The following PEX5L variants were observed in gnomAD, a reference collection of about 807,000 sequenced individuals.
PEX5L encodes the protein peroxisomal biogenesis factor 5 like, also known as PEX5-related protein.
In PEX5L, 30 loss-of-function variants were observed where a neutral mutation model predicts 84.0. The ratio of observed to expected loss-of-function variants is 0.36; its 90% confidence interval spans 0.27 to 0.48. PEX5L has a LOEUF of 0.48. Ranked by LOEUF, PEX5L falls within the 20% of genes least tolerant of loss-of-function variation. The probability of loss-of-function intolerance (pLI) is 0.99; values close to 1 mark genes in which losing one functional copy is unlikely to be tolerated. For missense variants in PEX5L, 533 were observed against 754.6 expected (o/e 0.71, Z 3.44); for synonymous variants, 270 against 283.1 (o/e 0.95, Z 0.46).
In PEX5L at chr3:179,795,317, G is replaced by A. The variant is rs1368876987; in HGVS notation, c.*6511C>T. 6.6e-6 allele frequency: 1 copy of A among 152,146 alleles called. No individual in the cohort carries two copies. The highest frequency in any genetic ancestry group is 1.5e-5 in the Non-Finnish European group (1 of 68,030). The allele number at this position is 152,146 out of a possible 1,614,324, so 9.4% of individuals were successfully genotyped here. A position where few individuals can be genotyped will look rare whatever the true frequency, so the allele number is the denominator to read the frequency against. On this transcript the variant is annotated 3_prime_UTR_variant, in exon 15 of 15. Transcript: ENST00000467460. Reference sequence around the variant, plus strand: ...ATACAATTTAATAATGTGAAAAAGGGAAGGCATGCTTCCAATAATAGTACA... The same window carrying A: ...ATACAATTTAATAATGTGAAAAAGGAAAGGCATGCTTCCAATAATAGTACA...
intron 10 of PEX5L, among the ~76,000 whole-genome samples, chr3:179,814,199 C>T (rs1375758992): frequency 1.3e-5 from 2 of 152,100 alleles, no homozygotes; most frequent in Non-Finnish European, 1.5e-5. Flanking sequence ...GCCTTTTGAA[C>T]AAGATATTAC....
At chr3:179,802,391 C>T (rs569210734) in intron 14 of PEX5L, among the ~76,000 whole-genome samples, 2 of 151,658 alleles carry the variant, frequency 1.3e-5, no homozygotes, top group Admixed American at 1.3e-4. Flanking sequence ...AAAAAATAGC[C>T]AGGTGTAGTG....
chr3:179,931,589 G>A (rs1040648915), intron 2 of PEX5L, among the ~76,000 whole-genome samples: 7 of 152,008 alleles, frequency 4.6e-5, no homozygotes, highest in East Asian at 3.9e-4. Context: ...GCCTGAAGCC[G>A]TATGTTCTGA....
chr3:179,978,327 T>C (rs2110315388), intron 1 of PEX5L, among the ~76,000 whole-genome samples: 1 of 152,310 alleles, frequency 6.6e-6, no homozygotes, highest in Middle Eastern at 3.4e-3. Context: ...CCAACATAAG[T>C]ATCCATTAAG....
At chr3:179,947,919 G>A (rs1367219636) in intron 2 of PEX5L, among the ~76,000 whole-genome samples, 2 of 151,974 alleles carry the variant, frequency 1.3e-5, no homozygotes, top group South Asian at 4.2e-4. Flanking sequence ...TGTTAGCCAG[G>A]ATGGTCTCGA....
At chr3:180,030,719 C>T (rs1162373172) in intron 1 of PEX5L, among the ~76,000 whole-genome samples, 2 of 152,140 alleles carry the variant, frequency 1.3e-5, no homozygotes, top group African/African-American at 4.8e-5. Flanking sequence ...CTGGAATTTC[C>T]ATGATTCATA....
chr3:179,961,195 A>ATG (rs1186882207), intron 2 of PEX5L, among the ~76,000 whole-genome samples: 2,546 of 139,856 alleles, frequency 0.018, 78 homozygotes, highest in African/African-American at 0.059. Context: ...TCACTTGTGT[A>ATG]TGTGTATGTG....
chr3:179,947,623 G>A (rs950979976), intron 2 of PEX5L, among the ~76,000 whole-genome samples: 7 of 151,344 alleles, frequency 4.6e-5, no homozygotes, highest in African/African-American at 1.5e-4. Flanking sequence ...TAGTACTGAC[G>A]CAAAGTAAAT....
rs928595775 is a variant in PEX5L, at chr3:179,897,788, A to AT, written c.198+353dup. On this transcript the variant is annotated intron_variant, in intron 3 of 14. Coordinates refer to ENST00000467460, the MANE Select transcript of PEX5L (RefSeq NM_016559.3). Reference sequence around the variant, plus strand: ...ACTTGTTTTTATTCATAGGAATTTGATTTTTTTTTGTTCAAATGTACTGTT... The same window carrying AT: ...ACTTGTTTTTATTCATAGGAATTTGATTTTTTTTTTGTTCAAATGTACTGTT... Among the ~76,000 whole-genome samples the AT allele has an allele frequency of 9.9e-5, 15 of 151,508 alleles. No homozygotes were observed. In the East Asian group the frequency reaches 1.9e-3, roughly 20 times the overall value.
chr3:179,891,768 T>A (rs1034101574), intron 3 of PEX5L, among the ~76,000 whole-genome samples: 2 of 152,156 alleles, frequency 1.3e-5, no homozygotes, highest in African/African-American at 2.4e-5. Flanking sequence ...TTTGCATAGA[T>A]TAAGAATAGC....
intron 1 of PEX5L, among the ~76,000 whole-genome samples, chr3:180,019,788 A>T (rs1419618257): frequency 2.0e-5 from 3 of 152,208 alleles, no homozygotes; most frequent in Non-Finnish European, 4.4e-5. Context: ...TAGAATTTTA[A>T]ATGATGGGAA....
chr3:179,992,887 TATG>T (rs1787513630), intron 1 of PEX5L, among the ~76,000 whole-genome samples: 1 of 151,006 alleles, frequency 6.6e-6, no homozygotes, highest in African/African-American at 2.5e-5. Flanking sequence ...TGTATGTGTC[TATG>T]TATGTATGTA....
chr3:180,018,312 C>T (rs1790116593), intron 1 of PEX5L, among the ~76,000 whole-genome samples: 2 of 152,082 alleles, frequency 1.3e-5, no homozygotes, highest in African/African-American at 4.8e-5. Flanking sequence ...GTTAACCTTT[C>T]TATTGAATGG....
At chr3:179,983,571 C>T (rs73180003) in intron 1 of PEX5L, among the ~76,000 whole-genome samples, 13,459 of 151,902 alleles carry the variant, frequency 0.089, 736 homozygotes, top group Non-Finnish European at 0.13. Context: ...AAGATACTGG[C>T]ACCAAACAAT....
At chr3:179,883,657 C>T (rs1308025001) in intron 4 of PEX5L, among the ~76,000 whole-genome samples, 1 of 152,172 alleles carries the variant, frequency 6.6e-6, no homozygotes, top group African/African-American at 2.4e-5. Context: ...GTGGCACATG[C>T]CTGTAATCTC....
At chr3:179,834,247 C>A (rs1247801554) in intron 8 of PEX5L, among the ~76,000 whole-genome samples, 2 of 152,204 alleles carry the variant, frequency 1.3e-5, no homozygotes, top group Non-Finnish European at 2.9e-5. Flanking sequence ...ATGTGTTTCT[C>A]ATGGATCAGA....
At chr3:180,029,426 A>T (rs777313190) in intron 1 of PEX5L, among the ~76,000 whole-genome samples, 9 of 152,226 alleles carry the variant, frequency 5.9e-5, no homozygotes, top group Non-Finnish European at 8.8e-5. Flanking sequence ...TTTATTTGTA[A>T]ATAAAACAAA....
intron 7 of PEX5L, 110 bp downstream of exon 7, chr3:179,874,217 G>C: frequency 1.8e-6 from 1 of 569,386 alleles, no homozygotes; most frequent in Non-Finnish European, 3.0e-6. Flanking sequence ...CACATGAAAC[G>C]CAATGTACAA....
chr3:179,847,682 G>T (rs183124500), intron 8 of PEX5L, among the ~76,000 whole-genome samples: 13 of 151,874 alleles, frequency 8.6e-5, no homozygotes, highest in Non-Finnish European at 1.8e-4. Context: ...TCAGTATTTT[G>T]ATTTTACTTT....
Sources: gnomAD v4.1 joint callset for allele counts (sites outside exome capture counted in the v4.1 genomes callset) on GRCh38, gnomAD v4.1.1 for gene constraint, MANE v1.5 for transcripts, NCBI Gene and HGNC (gene_info 2026-07-23, HGNC 2026-07-21) for gene names.